ATP6V0A4: variants seen among roughly 807,000 people sequenced by gnomAD.
The protein encoded by ATP6V0A4 is ATPase H+ transporting V0 subunit a4.
A neutral mutation model predicts 107.3 loss-of-function variants in ATP6V0A4; 86 were observed. That is an observed-to-expected ratio of 0.80 (90% confidence interval 0.67 to 0.96). The LOEUF (loss-of-function observed/expected upper bound fraction) is 0.96. Among genes scored for constraint, ATP6V0A4 ranks in the 40% least tolerant of loss-of-function variants. The probability of loss-of-function intolerance (pLI) is 0.00; values close to 1 mark genes in which losing one functional copy is unlikely to be tolerated. For synonymous variants in ATP6V0A4, 353 were observed against 381.4 expected (o/e 0.93, Z 0.87); for missense variants, 908 against 1,045.6 (o/e 0.87, Z 1.81).
chr7:138,759,401 G>A (rs1003130148), intron 8 of ATP6V0A4, among the ~76,000 whole-genome samples: 10 of 151,962 alleles, frequency 6.6e-5, no homozygotes, highest in Non-Finnish European at 1.0e-4. Context: ...CTATGCTCGC[G>A]TGCACATTGA....
intron 20 of ATP6V0A4, among the ~76,000 whole-genome samples, chr7:138,714,923 G>A (rs1048185201): frequency 2.0e-5 from 3 of 152,214 alleles, no homozygotes; most frequent in African/African-American, 2.4e-5. Context: ...GCATTATCCC[G>A]GATTATCTGG....
At chr7:138,783,754 C>G (rs1265491126) in intron 2 of ATP6V0A4, among the ~76,000 whole-genome samples, 1 of 152,066 alleles carries the variant, frequency 6.6e-6, no homozygotes, top group Non-Finnish European at 1.5e-5. Flanking sequence ...AATGGGAACT[C>G]CTACTTTTTC....
At chr7:138,716,027 G>A in intron 19 of ATP6V0A4, 146 bp from the exon 20 acceptor site, 4 of 1,159,450 alleles carry the variant, frequency 3.4e-6, no homozygotes, top group Non-Finnish European at 5.0e-6. Context: ...AATAGACTTA[G>A]AGAAAGAATT....
chr7:138,726,141 C>T lies in ATP6V0A4; in HGVS notation c.2010+2620G>A, dbSNP rs573210994. On this transcript the variant is annotated intron_variant, in intron 18 of 21. Transcript: ENST00000310018. ...AGTAGCTGGGACTACAGGCGCCCGC[C>T]ACCACGCCCGGCTAATTTTTTGTAT... Among the ~76,000 whole-genome samples the T allele has an allele frequency of 3.0e-3, 460 of 152,222 alleles. 3 individuals carry two copies. The highest frequency in any genetic ancestry group is 0.01 in the African/African-American group (434 of 41,544).
intron 14 of ATP6V0A4, among the ~76,000 whole-genome samples, chr7:138,743,406 T>A (rs967555397): frequency 6.9e-6 from 1 of 145,616 alleles, no homozygotes; most frequent in African/African-American, 2.6e-5. Flanking sequence ...TGCAGTGAGC[T>A]GAGATTGTGC....
rs1280427939 is a variant in ATP6V0A4 at position 138,747,721 on chromosome 7, C to A, written c.1181-157G>T. ...CCCTACCCTGACACATGCTTAGCTG[C>A]CACATAAATGAGTGCATCTGTTCCT... On this transcript the variant is annotated intron_variant, in intron 12 of 21. Transcript: ENST00000310018. 1.5e-5 allele frequency: 18 copies of A among 1,211,260 alleles called. No homozygotes were observed. In the East Asian group the frequency reaches 4.4e-4, roughly 30 times the overall value. 75.0% of individuals were successfully genotyped at this position (1,211,260 alleles called of 1,614,324 possible). A position where few individuals can be genotyped will look rare whatever the true frequency, so the allele number is the denominator to read the frequency against.
In ATP6V0A4 at chr7:138,759,752, C is replaced by A. The variant is rs754335968; in HGVS notation, c.639G>T (p.Thr213=). Reference sequence around the variant, plus strand: ...AGTTTTTGCAGCCCAAGGTTCCCACCGTCACAGGATCCTCCAGAGGGGCGT... The same window carrying A: ...AGTTTTTGCAGCCCAAGGTTCCCACAGTCACAGGATCCTCCAGAGGGGCGT... ...EMDAPLEDPV[T]KEEIQKNIFI... The change falls in exon 8 of 22, where the codon ACG becomes ACT. Residue 213 remains threonine (T), a splice_region_variant and synonymous_variant. Transcript: ENST00000310018. 6.2e-7 allele frequency: 1 copy of A among 1,614,096 alleles called. No homozygotes were observed. The highest frequency in any genetic ancestry group is 8.5e-7 in the Non-Finnish European group (1 of 1,180,028).
intron 20 of ATP6V0A4, among the ~76,000 whole-genome samples, chr7:138,711,195 G>A (rs1453079241): frequency 3.3e-5 from 5 of 151,936 alleles, no homozygotes; most frequent in African/African-American, 7.3e-5. Flanking sequence ...GCTGACAGTC[G>A]GGGAATGTTT....
intron 15 of ATP6V0A4, among the ~76,000 whole-genome samples, chr7:138,734,930 T>C (rs536596955): frequency 6.6e-6 from 1 of 152,226 alleles, no homozygotes; most frequent in South Asian, 2.1e-4. Flanking sequence ...ACTCTGAAAG[T>C]CTGTAGTGCT....
chr7:138,761,180 T>A (rs186162478), intron 7 of ATP6V0A4, among the ~76,000 whole-genome samples: 7 of 152,186 alleles, frequency 4.6e-5, no homozygotes, highest in South Asian at 2.1e-4. Flanking sequence ...TACTAAAAAA[T>A]TTTTTAAAAA....
At position 138,773,541 on chromosome 7, in the gene ATP6V0A4, G is replaced by A. The variant is rs79236317; in HGVS notation, c.-17-2277C>T. ...CAAACCAGTGAAGTCCACGAGGCTAGAACCATTCCCTGTTTCCACTCCCAC... is the reference window on the plus strand; with the variant it reads ...CAAACCAGTGAAGTCCACGAGGCTAAAACCATTCCCTGTTTCCACTCCCAC... On this transcript the variant is annotated intron_variant, in intron 2 of 21. Transcript: ENST00000310018. The surrounding 1 kb of genome is among the most constrained non-coding windows in gnomAD (Gnocchi z 5.4). 4.0e-3 allele frequency among the ~76,000 whole-genome samples: 602 copies of A among 152,268 alleles called. 26 individuals are homozygous for A. The East Asian group carries it at 0.1, about 26-fold the overall frequency.
chr7:138,736,465 G>A (rs1404672911), intron 15 of ATP6V0A4, among the ~76,000 whole-genome samples: 2 of 152,068 alleles, frequency 1.3e-5, no homozygotes, highest in Non-Finnish European at 2.9e-5. Context: ...AATATTCAAG[G>A]AGCATTTACC....
intron 10 of ATP6V0A4, among the ~76,000 whole-genome samples, chr7:138,755,380 A>C (rs1013431766): frequency 2.0e-5 from 3 of 152,222 alleles, no homozygotes; most frequent in Non-Finnish European, 4.4e-5. Flanking sequence ...TGTATCATAG[A>C]TTCCGTCTAG....
In ATP6V0A4 at chr7:138,746,628, C is replaced by T. The variant is rs200645495; in HGVS notation, c.1320+797G>A. ...AAGTAATTCTCCAGCCTCAGCCTCC[C>T]GAGTAGCTGGGACTACAGGTGCCCA... On this transcript the variant is annotated intron_variant, in intron 13 of 21. Coordinates refer to ENST00000310018, the MANE Select transcript of ATP6V0A4 (RefSeq NM_020632.3). Among the ~76,000 whole-genome samples the T allele has an allele frequency of 1.1e-4, 17 of 152,156 alleles. No homozygotes were observed. The East Asian group carries it at 3.1e-3, about 28-fold the overall frequency.
At chr7:138,737,127 T>TATATATATATA (rs1365519910) in intron 15 of ATP6V0A4, among the ~76,000 whole-genome samples, 19 of 131,518 alleles carry the variant, frequency 1.4e-4, no homozygotes, top group African/African-American at 4.6e-4. Flanking sequence ...TATATATATA[T>TATATATATATA]GATACAAACT....
chr7:138,730,385 T>G (rs1009785509), intron 17 of ATP6V0A4, among the ~76,000 whole-genome samples: 1 of 142,198 alleles, frequency 7.0e-6, no homozygotes, highest in African/African-American at 2.6e-5. Context: ...TGTGTGTGTG[T>G]GGCTATCCTT....
intron 20 of ATP6V0A4, among the ~76,000 whole-genome samples, chr7:138,715,539 T>A (rs1468021601): frequency 6.6e-6 from 1 of 152,078 alleles, no homozygotes; most frequent in South Asian, 2.1e-4. Flanking sequence ...TTTGTGACAA[T>A]TTGTTACAGC....
At chr7:138,729,970 G>T (rs1325927952) in intron 17 of ATP6V0A4, among the ~76,000 whole-genome samples, 1 of 152,112 alleles carries the variant, frequency 6.6e-6, no homozygotes, top group Non-Finnish European at 1.5e-5. Context: ...TGCAACCTCT[G>T]CCTCCTGGGT....
At chr7:138,734,013 G>T in intron 16 of ATP6V0A4, 123 bp downstream of exon 16, 1 of 1,126,996 alleles carries the variant, frequency 8.9e-7, no homozygotes. Flanking sequence ...GATGCCCAGG[G>T]AAGTACCCCT....
Sources: allele counts gnomAD v4.1 joint callset (sites outside exome capture counted in the v4.1 genomes callset), GRCh38; gene constraint gnomAD v4.1.1; non-coding constraint Gnocchi (gnomAD v3.1); transcripts MANE v1.5; gene names NCBI Gene and HGNC (gene_info 2026-07-23, HGNC 2026-07-21).